ESR2: variants seen among roughly 807,000 people sequenced by gnomAD.
The protein encoded by ESR2 is estrogen receptor beta.
ESR2 carries 36 observed loss-of-function variants against 49.6 expected under a neutral mutation model. That is an observed-to-expected ratio of 0.73 (90% CI 0.56 to 0.96). ESR2 has a LOEUF of 0.96. Among genes scored for constraint, ESR2 ranks in the 40% least tolerant of loss-of-function variants. ESR2 has a pLI of 0.00. For synonymous variants in ESR2, 320 were observed against 266.1 expected (o/e 1.20, Z -1.97); for missense variants, 714 against 693.0 (o/e 1.03, Z -0.34).
chr14:64,274,445 G>A (rs113370836), intron 3 of ESR2, among the ~76,000 whole-genome samples: 2,817 of 152,068 alleles, frequency 0.019, 33 homozygotes, highest in Middle Eastern at 0.037. Context: ...TGCGGTATCA[G>A]TTGTAACATC....
At chr14:64,228,261 A>G (rs1247722704), downstream of ESR2, among the ~76,000 whole-genome samples, 1 of 152,246 alleles carries the variant, frequency 6.6e-6, no homozygotes, top group Non-Finnish European at 1.5e-5. Context: ...AATAGAATGT[A>G]GACACTACTT....
At chr14:64,285,248 T>C (rs963487057) in intron 1 of ESR2, among the ~76,000 whole-genome samples, 1 of 152,216 alleles carries the variant, frequency 6.6e-6, no homozygotes, top group African/African-American at 2.4e-5. Context: ...GTCAGATTCA[T>C]GTTCTTAAAA....
At chr14:64,279,412 G>A (rs1007546320) in intron 3 of ESR2, among the ~76,000 whole-genome samples, 26 of 152,040 alleles carry the variant, frequency 1.7e-4, no homozygotes, top group African/African-American at 3.1e-4. Flanking sequence ...TCCAGAAGGC[G>A]TTTAGAGAAA....
intron 8 of ESR2, chr14:64,234,635 C>T (rs377396778): frequency 2.5e-6 from 1 of 392,418 alleles, no homozygotes; most frequent in East Asian, 3.8e-5. Context: ...CTCAGGGCCT[C>T]AGCCCTGGGT....
intron 1 of ESR2, among the ~76,000 whole-genome samples, chr14:64,285,042 C>T (rs1265606108): frequency 3.3e-5 from 5 of 151,598 alleles, no homozygotes; most frequent in Non-Finnish European, 7.4e-5. Context: ...GTAGAGACGG[C>T]GTTTCACCAT....
rs1047170365 is a variant in ESR2 at position 64,242,794 on chromosome 14, A to G, written c.1225+6752T>C. 5.9e-5 allele frequency among the ~76,000 whole-genome samples: 9 copies of G among 152,176 alleles called. No homozygotes were observed. In the South Asian group the frequency reaches 1.5e-3, roughly 25 times the overall value. ...AGAGTATGTGTAAACTTGGTGTATT[A>G]GTCCATTTTCACACTGCTGATAGAC... is the stretch of plus-strand genomic sequence containing the variant. On this transcript the variant is annotated intron_variant, in intron 7 of 8. Coordinates refer to ENST00000341099, the MANE Select transcript of ESR2 (RefSeq NM_001437.3).
chr14:64,230,426 AT>A lies in ESR2; in HGVS notation c.*2710del, dbSNP rs1312174766. On this transcript the variant is annotated 3_prime_UTR_variant, in exon 9 of 9. Coordinates refer to ENST00000341099, the MANE Select transcript of ESR2 (RefSeq NM_001437.3). ...TGGCTCTGCCAAGTATTGGTAACTG[AT>A]TTTTCTTCCTTACTGAAATCTAAGA... 3.3e-5 allele frequency among the ~76,000 whole-genome samples: 5 copies of A among 151,994 alleles called. No homozygotes were observed. Among genetic ancestry groups the A allele is most frequent in the Non-Finnish European group, 5.9e-5 (4 of 68,002 alleles).
At position 64,260,191 on chromosome 14, in the gene ESR2, A is replaced by G. The variant is rs201667350; in HGVS notation, c.952+258T>C. The G allele has an allele frequency of 8.0e-4, 581 of 722,158 alleles. 3 individuals carry two copies. Among genetic ancestry groups the G allele is most frequent in the Middle Eastern group, 2.8e-3 (12 of 4,312 alleles). The allele number at this position is 722,158 out of a possible 1,614,324, so 44.7% of individuals were successfully genotyped here. ...AATAGAAATGGCTGGGCCACGCACA[A>G]CTCTTTCTGCACTACCATGTTGGGT... On this transcript the variant is annotated intron_variant, in intron 5 of 8. Coordinates refer to ENST00000341099, the MANE Select transcript of ESR2 (RefSeq NM_001437.3).
chr14:64,248,505 CAA>C (rs56108535), intron 7 of ESR2, among the ~76,000 whole-genome samples: 78 of 87,248 alleles, frequency 8.9e-4, no homozygotes, highest in Middle Eastern at 0.014. Context: ...GATCCTGTCT[CAA>C]AAAAAAAAAA....
rs768030327 is a variant in ESR2 at position 64,249,616 on chromosome 14, T to C, written c.1155A>G (p.Ser385=). 1 of 1,614,004 alleles carries C rather than the reference T, an allele frequency of 6.2e-7. No homozygotes were observed. Among genetic ancestry groups the C allele is most frequent in the African/African-American group, 1.3e-5 (1 of 75,032 alleles). The change falls in exon 7 of 9, where the codon TCA becomes TCG. Residue 385 remains serine, a synonymous_variant. Transcript: ENST00000341099. ...GTTGGAGTTTTAACTCTCGAAACCT[T>C]GAAGTAGTTGCCAGGAGCATGTCAA... is the stretch of plus-strand genomic sequence containing the variant. The part of the protein sequence containing the change: ...EIFDMLLATT[S]RFRELKLQHK...
At chr14:64,234,696 G>C in intron 8 of ESR2, 1 of 619,102 alleles carries the variant, frequency 1.6e-6, no homozygotes, top group East Asian at 2.9e-5. Flanking sequence ...GCCCCTTTTA[G>C]GACTCCATAA....
chr14:64,322,322 G>A (rs974746802), intron 1 of ESR2, among the ~76,000 whole-genome samples: 1 of 152,150 alleles, frequency 6.6e-6, no homozygotes, highest in African/African-American at 2.4e-5. Context: ...ACCTCCCAAA[G>A]TGCTGGGATT....
intron 1 of ESR2, among the ~76,000 whole-genome samples, chr14:64,300,008 C>G (rs907881775): frequency 5.3e-5 from 8 of 152,278 alleles, no homozygotes; most frequent in African/African-American, 1.7e-4. Context: ...ATAGTCAAGT[C>G]AAGTGCTTCC....
intron 7 of ESR2, among the ~76,000 whole-genome samples, chr14:64,238,245 G>T (rs557041742): frequency 1.3e-5 from 2 of 152,172 alleles, no homozygotes; most frequent in South Asian, 4.1e-4. Context: ...GGCTGTAGGG[G>T]CAGCACAGCT....
chr14:64,266,968 C>T lies in ESR2; in HGVS notation c.652+1827G>A, dbSNP rs192493576. Reference sequence around the variant, plus strand: ...CGATCTCGGCTCACTGCAAGCTCCACCTCCCAGGTTCAAACTATTCTCCTT... The same window carrying T: ...CGATCTCGGCTCACTGCAAGCTCCATCTCCCAGGTTCAAACTATTCTCCTT... On this transcript the variant is annotated intron_variant, in intron 4 of 8. Transcript: ENST00000341099. Among the ~76,000 whole-genome samples, 529 of 152,306 alleles carry T rather than the reference C, an allele frequency of 3.5e-3. 1 individual carries two copies. The highest frequency in any genetic ancestry group is 0.012 in the African/African-American group (498 of 41,564).
At chr14:64,262,110 CTTTTTTT>C (rs869146485) in intron 4 of ESR2, among the ~76,000 whole-genome samples, 1 of 136,160 alleles carries the variant, frequency 7.3e-6, no homozygotes, top group Non-Finnish European at 1.6e-5. Flanking sequence ...TTTGGATTTA[CTTTTTTT>C]TTTTTTTTTT....
rs117609773 is a variant in ESR2, at chr14:64,269,357, G to A, written c.536-446C>T. On this transcript the variant is annotated intron_variant, in intron 3 of 8. Coordinates refer to ENST00000341099, the MANE Select transcript of ESR2 (RefSeq NM_001437.3). ...TCATAGTCAAATAAAATAACAAAAG[G>A]AACAAATAAAGAAATTAGCAATCTA... 4.1e-4 allele frequency among the ~76,000 whole-genome samples: 62 copies of A among 152,180 alleles called. No individual in the cohort carries two copies. The Middle Eastern group carries it at 0.01, about 25-fold the overall frequency.
At chr14:64,248,597 TTTA>T (rs1449537634) in intron 7 of ESR2, among the ~76,000 whole-genome samples, 6 of 152,142 alleles carry the variant, frequency 3.9e-5, no homozygotes, top group African/African-American at 1.4e-4. Flanking sequence ...TCCTGATGAT[TTTA>T]TTTTCTTCCT....
At chr14:64,307,435 G>A (rs917095927) in intron 1 of ESR2, among the ~76,000 whole-genome samples, 4 of 151,798 alleles carry the variant, frequency 2.6e-5, no homozygotes, top group Non-Finnish European at 4.4e-5. Context: ...GGGTGGTCTC[G>A]AACTCCTGAC....
Sources: allele counts gnomAD v4.1 joint callset (sites outside exome capture counted in the v4.1 genomes callset), GRCh38; gene constraint gnomAD v4.1.1; transcripts MANE v1.5; gene names NCBI Gene and HGNC (gene_info 2026-07-23, HGNC 2026-07-21).